The following TRRAP variants were observed in gnomAD, a reference collection of about 807,000 sequenced individuals.
TRRAP encodes transformation/transcription domain-associated protein.
TRRAP carries 41 observed loss-of-function variants against 438.8 expected under a neutral mutation model. The observed-to-expected ratio is 0.09, with a 90% CI of 0.07 to 0.12. The LOEUF is 0.12. Ranked by LOEUF, TRRAP falls within the 10% of genes least tolerant of loss-of-function variation. The pLI is 1.00. For missense variants in TRRAP, 3,122 were observed against 5,055.1 expected (o/e 0.62, Z 11.60); for synonymous variants, 1,994 against 1,962.9 (o/e 1.02, Z -0.42).
intron 4 of TRRAP, among the ~76,000 whole-genome samples, chr7:98,890,766 T>G (rs1795928954): frequency 6.6e-6 from 1 of 150,986 alleles, no homozygotes; most frequent in African/African-American, 2.4e-5. Flanking sequence ...TCTTACTGTC[T>G]TATTAATGTC....
Position 99,008,464 on chromosome 7 carries a change from G to T in TRRAP, c.10841G>T (p.Arg3614Leu), listed in dbSNP as rs1275095353. Residue 3614 changes from arginine to leucine, a missense_variant, in exon 70 of 73, where the codon CGC becomes CTC. Arg to Leu is a moderately radical substitution (Grantham distance 102). Around this residue, in one of 24 missense-constraint regions of TRRAP, gnomAD observed 38 missense variants for 32.1 expected, o/e 1.18. Coordinates refer to ENST00000456197, the MANE Select transcript of TRRAP (RefSeq NM_001375524.1). ...SLSLVEIYKQ[R>L]CAKKGIEHDN... The stretch of plus-strand genomic sequence containing the variant: ...TCCCTTGTGGAGATCTACAAGCAGC[G>T]CTGCGCCAAGAAGGGCATCGAGCAT... The T allele has an allele frequency of 1.2e-6, 2 of 1,614,020 alleles. No individual in the cohort carries two copies. The highest frequency in any genetic ancestry group is 1.7e-6 in the Non-Finnish European group (2 of 1,180,018).
Position 98,930,628 on chromosome 7 carries a change from T to C in TRRAP, c.3394-5T>C. ...GTGTTGTGGTTTGTTCATTTTCCTCTCCAGGCCTGCCAGCTGCCCCTGTTT... is the reference window on the plus strand; with the variant it reads ...GTGTTGTGGTTTGTTCATTTTCCTCCCCAGGCCTGCCAGCTGCCCCTGTTT... On this transcript the variant is annotated splice_polypyrimidine_tract_variant and splice_region_variant and intron_variant, in intron 24 of 72. Transcript: ENST00000456197. 1 of 1,613,226 alleles carries C rather than the reference T, an allele frequency of 6.2e-7. No homozygotes were observed. Among genetic ancestry groups the C allele is most frequent in the Non-Finnish European group, 8.5e-7 (1 of 1,179,968 alleles).
rs201695241 is a variant in TRRAP at position 98,953,111 on chromosome 7, C to T, written c.5464-56C>T. 3,856 of 1,576,988 alleles carry T rather than the reference C, an allele frequency of 2.4e-3. 7 individuals carry two copies. The highest frequency in any genetic ancestry group is 3.1e-3 in the Non-Finnish European group (3,615 of 1,160,572). On this transcript the variant is annotated intron_variant, in intron 39 of 72. Transcript: ENST00000456197. ...AGGCTTAAACCTGTCGTATGACCCT[C>T]AGTCAGTAACCCAGTTCACAACTGG...
intron 67 of TRRAP, among the ~76,000 whole-genome samples, chr7:99,002,907 C>T (rs1793998724): frequency 6.6e-6 from 1 of 152,208 alleles, no homozygotes; most frequent in African/African-American, 2.4e-5. Context: ...TGTGCGCTGC[C>T]TCGTTTAATT....
intron 60 of TRRAP, 37 bp from the exon 61 acceptor site, chr7:98,984,056 T>A: frequency 6.6e-7 from 1 of 1,517,190 alleles, no homozygotes; most frequent in Non-Finnish European, 8.8e-7. Context: ...TGAAAGAGGA[T>A]CGGTGTGGGC....
intron 67 of TRRAP, chr7:98,999,554 A>T: frequency 1.4e-6 from 1 of 728,828 alleles, no homozygotes; most frequent in Non-Finnish European, 2.5e-6. Context: ...AACTGCATCC[A>T]GGCAGACAGG....
rs575985610 is a variant in TRRAP at position 99,003,236 on chromosome 7, C to T, written c.10310-954C>T. On this transcript the variant is annotated intron_variant, in intron 67 of 72. Coordinates refer to ENST00000456197, the MANE Select transcript of TRRAP (RefSeq NM_001375524.1). ...GAAGTCGAGGCGTTCTACAGAAAGA[C>T]ATTTTAATATGAGTGGCCTGAGAAA... is the stretch of plus-strand genomic sequence containing the variant. 1.1e-4 allele frequency among the ~76,000 whole-genome samples: 17 copies of T among 152,366 alleles called. No homozygotes were observed. The South Asian group carries it at 3.5e-3, about 32-fold the overall frequency.
In TRRAP at chr7:99,005,843, C is replaced by T. The variant is rs3779185; in HGVS notation, c.10753+495C>T. 0.097 allele frequency among the ~76,000 whole-genome samples: 14,757 copies of T among 152,032 alleles called. 781 individuals carry two copies. Among genetic ancestry groups the T allele is most frequent in the East Asian group, 0.24 (1,256 of 5,140 alleles). On this transcript the variant is annotated intron_variant, in intron 69 of 72. Transcript: ENST00000456197. This position sits in a 1 kb window ranked among gnomAD's most constrained non-coding sequence, Gnocchi z 5.1. Reference sequence around the variant, plus strand: ...GGAGTGGGCCCCTGGAGAGCTGGGGCGTCTCAGTGGGTGCTGCCGGTTTTG... The same window carrying T: ...GGAGTGGGCCCCTGGAGAGCTGGGGTGTCTCAGTGGGTGCTGCCGGTTTTG...
Position 98,994,906 on chromosome 7 carries a change from G to A in TRRAP, c.10309+58G>A, listed in dbSNP as rs1012838604. 3.2e-5 allele frequency: 51 copies of A among 1,586,468 alleles called. No individual in the cohort carries two copies. The highest frequency in any genetic ancestry group is 9.1e-5 in the South Asian group (8 of 87,590). ...AGAATTGTGCACGCTGATTTCCTCC[G>A]GCTTTAGTGTTGAAGCTGATTGGAT... is the stretch of plus-strand genomic sequence containing the variant. On this transcript the variant is annotated intron_variant, in intron 67 of 72. Transcript: ENST00000456197. The surrounding 1 kb of genome is among the most constrained non-coding windows in gnomAD (Gnocchi z 4.8).
intron 70 of TRRAP, among the ~76,000 whole-genome samples, chr7:99,009,123 G>T (rs776404383): frequency 6.6e-6 from 1 of 152,200 alleles, no homozygotes; most frequent in South Asian, 2.1e-4. Context: ...GCAGCCCCTC[G>T]GAGGTACAGA....
At chr7:98,906,300 G>A in intron 13 of TRRAP, 45 bp downstream of exon 13, 1 of 1,510,466 alleles carries the variant, frequency 6.6e-7, no homozygotes, top group Non-Finnish European at 9.2e-7. Flanking sequence ...AATGCCAGGA[G>A]CATCAGTTAC....
Position 99,012,644 on chromosome 7 carries a change from T to G in TRRAP, c.*289T>G, listed in dbSNP as rs937853901. 1.1e-5 allele frequency: 5 copies of G among 444,040 alleles called. No individual in the cohort carries two copies. Among genetic ancestry groups the G allele is most frequent in the Non-Finnish European group, 1.6e-5 (4 of 249,234 alleles). 27.5% of individuals were successfully genotyped at this position (444,040 alleles called of 1,614,324 possible). A position where few individuals can be genotyped will look rare whatever the true frequency, so the allele number is the denominator to read the frequency against. On this transcript the variant is annotated 3_prime_UTR_variant, in exon 73 of 73. Coordinates refer to ENST00000456197, the MANE Select transcript of TRRAP (RefSeq NM_001375524.1). The surrounding 1 kb of genome is among the most constrained non-coding windows in gnomAD (Gnocchi z 5.9). Reference sequence around the variant, plus strand: ...CCAGGATTCTCCGGTCTGGAATTTCTGAGTGAGTCCTTTTTTTATGGTGTC... The same window carrying G: ...CCAGGATTCTCCGGTCTGGAATTTCGGAGTGAGTCCTTTTTTTATGGTGTC...
intron 67 of TRRAP, 131 bp from the exon 68 acceptor site, chr7:99,004,059 G>A: frequency 1.1e-6 from 1 of 937,260 alleles, no homozygotes; most frequent in Non-Finnish European, 1.6e-6. Flanking sequence ...GGCAACAAGA[G>A]TGAAACTTCA....
chr7:98,930,932 A>T, intron 25 of TRRAP, 102 bp downstream of exon 25: 5 of 1,437,410 alleles, frequency 3.5e-6, no homozygotes, highest in South Asian at 1.3e-5. Context: ...TCCTAGCAGC[A>T]TGGTGACTTT....
intron 21 of TRRAP, among the ~76,000 whole-genome samples, chr7:98,922,515 T>C (rs1554410804): frequency 6.6e-6 from 1 of 152,194 alleles, no homozygotes; most frequent in Admixed American, 6.5e-5. Context: ...CCTGCCCTGC[T>C]GACTTTTCTG....
chr7:98,922,919 A>G (rs1166360086), intron 21 of TRRAP, among the ~76,000 whole-genome samples: 3 of 152,252 alleles, frequency 2.0e-5, no homozygotes, highest in East Asian at 1.9e-4. Context: ...TTCTGTGTCC[A>G]TAAGTAAACA....
intron 21 of TRRAP, among the ~76,000 whole-genome samples, chr7:98,924,444 G>A (rs1199897337): frequency 6.6e-6 from 1 of 152,124 alleles, no homozygotes; most frequent in Admixed American, 6.6e-5. Context: ...TGGTTAAGGC[G>A]CCTGTCTAGA....
intron 18 of TRRAP, among the ~76,000 whole-genome samples, chr7:98,912,957 C>A (rs913058253): frequency 1.3e-5 from 2 of 152,174 alleles, no homozygotes; most frequent in Admixed American, 1.3e-4. Context: ...CGGAAAAATG[C>A]AGTGAGGCAT....
At chr7:98,941,823 G>A (rs970417967) in intron 30 of TRRAP, among the ~76,000 whole-genome samples, 4 of 152,298 alleles carry the variant, frequency 2.6e-5, no homozygotes, top group East Asian at 3.9e-4. Context: ...CATTGGCCAC[G>A]TAAGGTTGGG....
Sources: gnomAD v4.1 joint callset for allele counts (sites outside exome capture counted in the v4.1 genomes callset) on GRCh38, gnomAD v4.1.1 for gene constraint, gnomAD v4.1.1 regional missense constraint, Gnocchi (gnomAD v3.1) non-coding constraint, MANE v1.5 for transcripts, NCBI Gene and HGNC (gene_info 2026-07-23, HGNC 2026-07-21) for gene names.